KCTD16: variants seen among roughly 807,000 people sequenced by gnomAD.
KCTD16 encodes the protein BTB/POZ domain-containing protein KCTD16.
Under a neutral mutation model 33.2 loss-of-function variants are expected in KCTD16, and 13 were observed. The observed-to-expected ratio is 0.39, with a 90% CI of 0.25 to 0.62. The LOEUF (loss-of-function observed/expected upper bound fraction) is 0.62, where lower values mean the gene tolerates loss of function less well. KCTD16 is among the 20% of genes least tolerant of loss of function. KCTD16 has a pLI of 0.50. For missense variants in KCTD16, 441 were observed against 525.1 expected, an observed-to-expected ratio of 0.84 and a Z score of 1.57; for synonymous variants, 197 against 195.3, an observed-to-expected ratio of 1.01 and a Z score of -0.07.
intron 3 of KCTD16, among the ~76,000 whole-genome samples, chr5:144,444,209 C>A (rs1046821028): frequency 6.7e-6 from 1 of 150,026 alleles, no homozygotes; most frequent in African/African-American, 2.5e-5. Flanking sequence ...ACCCCTCCCC[C>A]CTCCACACAC....
chr5:144,329,689 G>A lies in KCTD16; in HGVS notation c.832+122143G>A, dbSNP rs535359629. Reference sequence around the variant, plus strand: ...AGTAAAGTTGGATAGGAATTTTCAGGTGGTGCCAAGAAATAAGCTTCTACA... The same window carrying A: ...AGTAAAGTTGGATAGGAATTTTCAGATGGTGCCAAGAAATAAGCTTCTACA... On this transcript the variant is annotated intron_variant, in intron 3 of 3. Transcript: ENST00000512467. 6.6e-5 allele frequency among the ~76,000 whole-genome samples: 10 copies of A among 152,312 alleles called. No homozygotes were observed. The South Asian group carries it at 2.1e-3, about 32-fold the overall frequency.
chr5:144,293,141 G>A (rs1381299488), intron 3 of KCTD16, among the ~76,000 whole-genome samples: 1 of 152,150 alleles, frequency 6.6e-6, no homozygotes, highest in African/African-American at 2.4e-5. Context: ...GCTACTCTCT[G>A]ACTGATAGCT....
chr5:144,410,370 C>T (rs773447864), intron 3 of KCTD16, among the ~76,000 whole-genome samples: 6 of 152,136 alleles, frequency 3.9e-5, no homozygotes, highest in Non-Finnish European at 7.4e-5. Context: ...ATATAGAAAA[C>T]ATTAGTACTG....
At chr5:144,312,114 G>A (rs1292021321) in intron 3 of KCTD16, among the ~76,000 whole-genome samples, 1 of 152,252 alleles carries the variant, frequency 6.6e-6, no homozygotes, top group East Asian at 1.9e-4. Context: ...AAACACATAT[G>A]CAGACTGCTC....
intron 3 of KCTD16, among the ~76,000 whole-genome samples, chr5:144,440,571 C>T (rs1187620922): frequency 6.6e-6 from 1 of 151,948 alleles, no homozygotes; most frequent in African/African-American, 2.4e-5. Flanking sequence ...GCAACTCACA[C>T]CGGTAATCCC....
chr5:144,365,417 A>C (rs1287469945), intron 3 of KCTD16, among the ~76,000 whole-genome samples: 2 of 152,038 alleles, frequency 1.3e-5, no homozygotes, highest in Non-Finnish European at 2.9e-5. Context: ...TGTGTTCTCA[A>C]GTTAGTAAAA....
In KCTD16 at chr5:144,434,104, C is replaced by T. The variant is rs1174589266; in HGVS notation, c.833-39556C>T. Among the ~76,000 whole-genome samples, 3 of 152,166 alleles carry T rather than the reference C, an allele frequency of 2.0e-5. No individual in the cohort carries two copies. In the South Asian group the frequency reaches 6.2e-4, roughly 32 times the overall value. On this transcript the variant is annotated intron_variant, in intron 3 of 3. Transcript: ENST00000512467. ...CTTTCTTCAATGAAACTAAAGGATC[C>T]ACTGAGCCAGTCTGAGCTGGGAGAT...
At chr5:144,296,077 C>G (rs190761068) in intron 3 of KCTD16, among the ~76,000 whole-genome samples, 10 of 152,300 alleles carry the variant, frequency 6.6e-5, no homozygotes, top group Non-Finnish European at 7.4e-5. Flanking sequence ...GGACAAACTC[C>G]TGGTACTTCA....
intron 3 of KCTD16, among the ~76,000 whole-genome samples, chr5:144,380,282 A>G (rs1422669549): frequency 1.3e-5 from 2 of 152,168 alleles, no homozygotes; most frequent in Non-Finnish European, 2.9e-5. Flanking sequence ...ACAGCTTACC[A>G]AGGAGGTAAA....
chr5:144,362,063 A>G (rs1317038113), intron 3 of KCTD16, among the ~76,000 whole-genome samples: 1 of 152,166 alleles, frequency 6.6e-6, no homozygotes, highest in Non-Finnish European at 1.5e-5. Flanking sequence ...GTGCCTTCCA[A>G]TCTAGAATTC....
chr5:144,299,091 AC>A (rs1756138774), intron 3 of KCTD16, among the ~76,000 whole-genome samples: 12 of 12,330 alleles, frequency 9.7e-4, no homozygotes, highest in Non-Finnish European at 1.2e-3. Context: ...TATATATATC[AC>A]TATGTATATA....
chr5:144,425,637 G>T (rs894499565), intron 3 of KCTD16, among the ~76,000 whole-genome samples: 2 of 151,926 alleles, frequency 1.3e-5, no homozygotes, highest in Non-Finnish European at 2.9e-5. Context: ...CATGGATGTT[G>T]CCAAGACTTA....
chr5:144,332,743 GA>G (rs1353239227), intron 3 of KCTD16, among the ~76,000 whole-genome samples: 6 of 152,100 alleles, frequency 3.9e-5, no homozygotes, highest in Non-Finnish European at 8.8e-5. Flanking sequence ...ATCCTTCAAA[GA>G]AACAGCCAGA....
At chr5:144,344,217 A>G (rs1211889908) in intron 3 of KCTD16, among the ~76,000 whole-genome samples, 1 of 152,202 alleles carries the variant, frequency 6.6e-6, no homozygotes, top group Non-Finnish European at 1.5e-5. Context: ...TTCAAGATGG[A>G]TTAAAGACTT....
At chr5:144,337,019 A>G (rs1234285214) in intron 3 of KCTD16, among the ~76,000 whole-genome samples, 2 of 151,350 alleles carry the variant, frequency 1.3e-5, no homozygotes, top group South Asian at 4.2e-4. Context: ...ATTTTGCTAT[A>G]TTAACATACT....
chr5:144,333,810 A>G (rs1252083446), intron 3 of KCTD16, among the ~76,000 whole-genome samples: 4 of 152,154 alleles, frequency 2.6e-5, no homozygotes, highest in Non-Finnish European at 5.9e-5. Flanking sequence ...TGCCCAAAGC[A>G]TGTCACATGG....
chr5:144,295,314 T>C (rs1384582459), intron 3 of KCTD16, among the ~76,000 whole-genome samples: 1 of 152,184 alleles, frequency 6.6e-6, no homozygotes, highest in African/African-American at 2.4e-5. Flanking sequence ...GCTCTTGTCT[T>C]AGGTAGGGTT....
intron 3 of KCTD16, among the ~76,000 whole-genome samples, chr5:144,454,817 G>A (rs193135098): frequency 7.2e-5 from 11 of 152,170 alleles, no homozygotes; most frequent in Admixed American, 4.6e-4. Context: ...TGTAAAAAGC[G>A]GTTGAACTTA....
rs548822702 is a variant in KCTD16, at chr5:144,418,119, G to C, written c.833-55541G>C. On this transcript the variant is annotated intron_variant, in intron 3 of 3. Coordinates refer to ENST00000512467, the MANE Select transcript of KCTD16 (RefSeq NM_020768.4). ...TTCGTTCCTCCTGGTGGGTTGGTAGGTTCTCCTGCCCTCACTGGCTTCAGG... is the reference window on the plus strand; with the variant it reads ...TTCGTTCCTCCTGGTGGGTTGGTAGCTTCTCCTGCCCTCACTGGCTTCAGG... Among the ~76,000 whole-genome samples the C allele has an allele frequency of 7.2e-5, 11 of 152,228 alleles. No homozygotes were observed. The East Asian group carries it at 1.9e-3, about 27-fold the overall frequency.
Sources: gnomAD v4.1 joint callset for allele counts (sites outside exome capture counted in the v4.1 genomes callset) on GRCh38, gnomAD v4.1.1 for gene constraint, MANE v1.5 for transcripts, NCBI Gene and HGNC (gene_info 2026-07-23, HGNC 2026-07-21) for gene names.